PREP: variants seen among roughly 807,000 people sequenced by gnomAD.
PREP encodes dJ355L5.1 (prolyl endopeptidase).
A neutral mutation model predicts 87.6 loss-of-function variants in PREP; 29 were observed. That is an observed-to-expected ratio of 0.33 (90% CI 0.25 to 0.45). The LOEUF (loss-of-function observed/expected upper bound fraction) is 0.45. Among genes scored for constraint, PREP ranks in the 20% least tolerant of loss-of-function variants. PREP has a pLI of 1.00. For synonymous variants in PREP, 337 were observed against 328.6 expected, an observed-to-expected ratio of 1.03 and a Z score of -0.28; for missense variants, 695 against 886.5, an observed-to-expected ratio of 0.78 and a Z score of 2.74.
At chr6:105,302,862 AAATACTCTCTT>A (rs552064715) in intron 10 of PREP, 843 of 322,200 alleles carry the variant, frequency 2.6e-3, no homozygotes, top group Non-Finnish European at 3.9e-3. Flanking sequence ...TCCGAGGGCT[AAATACTCTCTT>A]TTTGACCCTC....
chr6:105,282,448 C>T lies in PREP; in HGVS notation c.1681+3G>A, dbSNP rs189732483. On this transcript the variant is annotated splice_donor_region_variant and intron_variant, in intron 13 of 14. Coordinates refer to ENST00000652536, the MANE Select transcript of PREP (RefSeq NM_002726.5). Reference sequence around the variant, plus strand: ...AGTGCAATGAATAAAATCCAGTACTCACCCACTAAGAGGCCTCCATTTGAA... The same window carrying T: ...AGTGCAATGAATAAAATCCAGTACTTACCCACTAAGAGGCCTCCATTTGAA... 944 of 1,612,914 alleles carry T rather than the reference C, an allele frequency of 5.9e-4. 2 individuals are homozygous for T. The highest frequency in any genetic ancestry group is 6.7e-4 in the Non-Finnish European group (796 of 1,179,646).
At chr6:105,374,233 T>A (rs1772628420) in intron 4 of PREP, among the ~76,000 whole-genome samples, 1 of 152,164 alleles carries the variant, frequency 6.6e-6, no homozygotes. Flanking sequence ...CCATGTACAG[T>A]CCTTTAGGGC....
At chr6:105,306,568 T>C (rs893209787) in intron 10 of PREP, among the ~76,000 whole-genome samples, 10 of 152,172 alleles carry the variant, frequency 6.6e-5, no homozygotes, top group Admixed American at 6.5e-4. Flanking sequence ...ATATCCCCTG[T>C]GACTTCTCTG....
At chr6:105,360,934 C>T (rs188136077) in intron 6 of PREP, among the ~76,000 whole-genome samples, 1 of 152,254 alleles carries the variant, frequency 6.6e-6, no homozygotes, top group African/African-American at 2.4e-5. Context: ...TTTACACACA[C>T]ACATACATAT....
Position 105,275,807 on chromosome 6 carries a change from A to C in PREP, c.*2337T>G, listed in dbSNP as rs1197978411. Among the ~76,000 whole-genome samples, 2 of 152,242 alleles carry C rather than the reference A, an allele frequency of 1.3e-5. No individual in the cohort carries two copies. The highest frequency in any genetic ancestry group is 4.8e-5 in the African/African-American group (2 of 41,464). The stretch of plus-strand genomic sequence containing the variant: ...GCAACATGGATGGAACTGAAGGTCA[A>C]TATGGTAAGTGAAATAAGCCAGGCA... On this transcript the variant is annotated 3_prime_UTR_variant, in exon 15 of 15. Coordinates refer to ENST00000652536, the MANE Select transcript of PREP (RefSeq NM_002726.5).
At chr6:105,333,743 AC>A (rs1254920849) in intron 7 of PREP, among the ~76,000 whole-genome samples, 1 of 151,852 alleles carries the variant, frequency 6.6e-6, no homozygotes, top group Non-Finnish European at 1.5e-5. Context: ...CCGGCCCATC[AC>A]CCCCACAAGA....
At chr6:105,350,966 G>A (rs909970031) in intron 7 of PREP, among the ~76,000 whole-genome samples, 2 of 152,122 alleles carry the variant, frequency 1.3e-5, no homozygotes, top group Non-Finnish European at 2.9e-5. Context: ...TTCATATTCT[G>A]CTTTCTGGTC....
chr6:105,354,433 T>C (rs1772038839), intron 6 of PREP, among the ~76,000 whole-genome samples: 1 of 152,190 alleles, frequency 6.6e-6, no homozygotes, highest in South Asian at 2.1e-4. Context: ...TGTTCTTCCA[T>C]ACCCTTATTA....
intron 10 of PREP, among the ~76,000 whole-genome samples, chr6:105,315,229 T>A (rs950446477): frequency 3.3e-5 from 5 of 152,200 alleles, no homozygotes; most frequent in African/African-American, 1.2e-4. Context: ...ACTGGTGCAA[T>A]CATGGCTCAC....
rs1285303761 is a variant in PREP, at chr6:105,277,707, A to C, written c.*437T>G. On this transcript the variant is annotated 3_prime_UTR_variant, in exon 15 of 15. Transcript: ENST00000652536. The stretch of plus-strand genomic sequence containing the variant: ...TGCCCCTCAATATGAAGAAACCGGA[A>C]GTAAAAGCCTGTCATTCTTAAATAA... 4 of 158,682 alleles carry C rather than the reference A, an allele frequency of 2.5e-5. No individual in the cohort carries two copies. Among genetic ancestry groups the C allele is most frequent in the African/African-American group, 9.6e-5 (4 of 41,554 alleles). 9.8% of individuals were successfully genotyped at this position (158,682 alleles called of 1,614,324 possible). A position where few individuals can be genotyped will look rare whatever the true frequency, so the allele number is the denominator to read the frequency against.
At chr6:105,389,818 G>A (rs756233374) in intron 2 of PREP, among the ~76,000 whole-genome samples, 3 of 152,086 alleles carry the variant, frequency 2.0e-5, no homozygotes, top group Admixed American at 6.6e-5. Flanking sequence ...GACCGACACC[G>A]AAATTGACAC....
At chr6:105,353,544 G>A (rs1772012618) in intron 6 of PREP, among the ~76,000 whole-genome samples, 1 of 151,998 alleles carries the variant, frequency 6.6e-6, no homozygotes, top group South Asian at 2.1e-4. Flanking sequence ...GCCGAGTGGG[G>A]GTGGATCACC....
intron 12 of PREP, among the ~76,000 whole-genome samples, chr6:105,283,341 T>C (rs890943623): frequency 1.3e-5 from 2 of 152,194 alleles, no homozygotes; most frequent in Non-Finnish European, 2.9e-5. Flanking sequence ...CCATGAAATA[T>C]CTATAAGTAA....
intron 6 of PREP, among the ~76,000 whole-genome samples, chr6:105,364,607 T>C (rs1037653677): frequency 6.6e-6 from 1 of 152,190 alleles, no homozygotes; most frequent in Admixed American, 6.5e-5. Context: ...TCCTGCCCTG[T>C]GTCCTGCTTC....
intron 14 of PREP, among the ~76,000 whole-genome samples, chr6:105,280,023 C>T (rs1263741661): frequency 2.0e-5 from 3 of 152,150 alleles, no homozygotes; most frequent in Non-Finnish European, 2.9e-5. Flanking sequence ...AACTTTGTTT[C>T]CCCTTAGAGA....
At position 105,281,817 on chromosome 6, in the gene PREP, A is replaced by G. The variant is rs1227967322; in HGVS notation, c.1767T>C (p.Tyr589=). 1.2e-6 allele frequency: 2 copies of G among 1,614,124 alleles called. No homozygotes were observed. Among genetic ancestry groups the G allele is most frequent in the African/African-American group, 1.3e-5 (1 of 74,946 alleles). The change falls in exon 14 of 15, where the codon TAT becomes TAC. Residue 589 remains tyrosine, a synonymous_variant. Coordinates refer to ENST00000652536, the MANE Select transcript of PREP (RefSeq NM_002726.5). The part of the protein sequence containing the change: ...GVMDMLKFHK[Y]TIGHAWTTDY... ...CAGTGGTCCAAGCATGGCCGATGGT[A>G]TATTTATGAAACTTCAGCATGTCCA...
chr6:105,371,380 A>T (rs1432888782), intron 5 of PREP, among the ~76,000 whole-genome samples: 1 of 151,634 alleles, frequency 6.6e-6, no homozygotes, highest in African/African-American at 2.4e-5. Context: ...GGCGCTAACT[A>T]GTCCCAGTTA....
chr6:105,278,272 G>A lies in PREP; in HGVS notation c.2005C>T (p.Pro669Ser). 1 of 1,614,240 alleles carries A rather than the reference G, an allele frequency of 6.2e-7. No individual in the cohort carries two copies. The highest frequency in any genetic ancestry group is 8.5e-7 in the Non-Finnish European group (1 of 1,180,050). ...IVGRSRKQSN[P>S]LLIHVDTKAG... ...TTGGTGTCCACGTGGATAAGCAGGG[G>A]GTTGCTTTGCTTCCTGCTGCGGCCC... The change falls in exon 15 of 15, where the codon CCC (proline) becomes TCC (serine). Residue 669 changes from proline (P) to serine (S), a missense_variant. Pro to Ser is a moderately conservative substitution (Grantham distance 74, BLOSUM62 -1). Transcript: ENST00000652536. This position sits in a 1 kb window ranked among gnomAD's most constrained non-coding sequence, Gnocchi z 4.2.
chr6:105,305,164 G>T (rs1770628049), intron 10 of PREP, among the ~76,000 whole-genome samples: 1 of 152,178 alleles, frequency 6.6e-6, no homozygotes, highest in Non-Finnish European at 1.5e-5. Context: ...ATGCTGAAAA[G>T]ACAAACTCTG....
Sources: gnomAD v4.1 joint callset for allele counts (sites outside exome capture counted in the v4.1 genomes callset) on GRCh38, gnomAD v4.1.1 for gene constraint, Gnocchi (gnomAD v3.1) non-coding constraint, MANE v1.5 for transcripts, NCBI Gene and HGNC (gene_info 2026-07-23, HGNC 2026-07-21) for gene names.